COL25A1: variants seen among roughly 807,000 people sequenced by gnomAD.
COL25A1 encodes the protein collagen type XXV alpha 1 chain.
Under a neutral mutation model 128.4 loss-of-function variants are expected in COL25A1, and 103 were observed. The observed-to-expected ratio is 0.80, with a 90% CI of 0.68 to 0.94. COL25A1 has a LOEUF of 0.94. COL25A1 is among the 40% of genes least tolerant of loss of function. The pLI, the probability that COL25A1 is intolerant of heterozygous loss-of-function variation, is 0.00. For synonymous variants in COL25A1, 279 were observed against 277.2 expected (o/e 1.01, Z -0.06); for missense variants, 745 against 840.0 (o/e 0.89, Z 1.40).
chr4:108,852,688 A>G (rs1735932438), intron 25 of COL25A1, among the ~76,000 whole-genome samples: 1 of 152,202 alleles, frequency 6.6e-6, no homozygotes, highest in Non-Finnish European at 1.5e-5. Context: ...AAGGCCAGAG[A>G]CTTTTAAGAA....
At chr4:108,905,523 A>C (rs971190022) in intron 13 of COL25A1, among the ~76,000 whole-genome samples, 2 of 150,420 alleles carry the variant, frequency 1.3e-5, no homozygotes, top group Non-Finnish European at 3.0e-5. Context: ...AATAATAAAA[A>C]AATAAAAATA....
chr4:109,218,478 T>C (rs1560887704), intron 3 of COL25A1, among the ~76,000 whole-genome samples: 1 of 151,044 alleles, frequency 6.6e-6, no homozygotes, highest in Non-Finnish European at 1.5e-5. Flanking sequence ...CCAGCCTCTG[T>C]TTAGATGTGC....
At chr4:109,045,934 T>A (rs3096476) in intron 5 of COL25A1, among the ~76,000 whole-genome samples, 76,228 of 152,024 alleles carry the variant, frequency 0.5, 21,144 homozygotes, top group African/African-American at 0.73. Context: ...ATTTTATATT[T>A]TATGTGATTA....
intron 24 of COL25A1, among the ~76,000 whole-genome samples, chr4:108,857,121 A>T (rs1004706632): frequency 1.3e-5 from 2 of 152,108 alleles, no homozygotes; most frequent in African/African-American, 4.8e-5. Flanking sequence ...GCCCAATTAT[A>T]TTGGAACAGT....
intron 3 of COL25A1, among the ~76,000 whole-genome samples, chr4:109,150,383 A>T (rs1771384693): frequency 6.6e-6 from 1 of 152,108 alleles, no homozygotes; most frequent in East Asian, 1.9e-4. Context: ...TTCTGAGATG[A>T]GTGAAAACTG....
At chr4:109,114,332 CA>C (rs145115989) in intron 3 of COL25A1, among the ~76,000 whole-genome samples, 5,177 of 152,072 alleles carry the variant, frequency 0.034, 308 homozygotes, top group African/African-American at 0.12. Flanking sequence ...CAATTTAGGA[CA>C]GGGGTTTACA....
chr4:109,231,686 G>A (rs1439674109), intron 3 of COL25A1, among the ~76,000 whole-genome samples: 2 of 152,136 alleles, frequency 1.3e-5, no homozygotes, highest in African/African-American at 4.8e-5. Flanking sequence ...TTCTAAACAG[G>A]TTTATTAAGG....
At position 109,301,926 on chromosome 4, in the gene COL25A1, G is replaced by T; in HGVS notation, c.94C>A (p.Pro32Thr). Residue 32 changes from proline to threonine, a missense_variant, in exon 2 of 38, where the codon CCC (proline) becomes ACC (threonine). By Grantham distance (38) the Pro-to-Thr change is conservative (BLOSUM62 -1). Around this residue, in one of 3 missense-constraint regions of COL25A1, gnomAD observed 319 missense variants for 324.9 expected, o/e 0.98. Transcript: ENST00000399132. Reference protein sequence around the residue: ...PAEQHCARTMPPCAVLAALLS... With the variant: ...PAEQHCARTMTPCAVLAALLS... ...AGGGCCGCCAGGACGGCACACGGGG[G>T]CATGGTCCGGGCACAATGCTGTTCG... is the stretch of plus-strand genomic sequence containing the variant. 1 of 1,614,000 alleles carries T rather than the reference G, an allele frequency of 6.2e-7. No individual in the cohort carries two copies. Among genetic ancestry groups the T allele is most frequent in the Non-Finnish European group, 8.5e-7 (1 of 1,180,044 alleles).
chr4:109,199,355 G>A (rs1008697808), intron 3 of COL25A1, among the ~76,000 whole-genome samples: 15 of 151,966 alleles, frequency 9.9e-5, no homozygotes, highest in Non-Finnish European at 4.4e-5. Flanking sequence ...CATGTTGCAC[G>A]AGTTGGTTTC....
intron 24 of COL25A1, among the ~76,000 whole-genome samples, chr4:108,853,304 T>C (rs1358239490): frequency 6.6e-6 from 1 of 152,090 alleles, no homozygotes; most frequent in Non-Finnish European, 1.5e-5. Context: ...TAGAGAAAAC[T>C]GAAATACCCA....
intron 3 of COL25A1, among the ~76,000 whole-genome samples, chr4:109,113,674 C>T (rs935994472): frequency 2.6e-5 from 4 of 152,038 alleles, no homozygotes; most frequent in African/African-American, 9.7e-5. Context: ...ATGAATCACT[C>T]CAGTGATGCT....
At chr4:108,942,343 A>T (rs537641470) in intron 8 of COL25A1, 1 of 1,302,760 alleles carries the variant, frequency 7.7e-7, no homozygotes, top group South Asian at 1.3e-5. Flanking sequence ...GACAAACAAA[A>T]CAAGCACATA....
chr4:109,191,471 G>A (rs913798765), intron 3 of COL25A1, among the ~76,000 whole-genome samples: 24 of 152,098 alleles, frequency 1.6e-4, no homozygotes, highest in African/African-American at 5.6e-4. Flanking sequence ...AAAGATTGAG[G>A]GCTTAGCAGC....
intron 32 of COL25A1, among the ~76,000 whole-genome samples, chr4:108,831,855 A>G (rs574939272): frequency 6.6e-6 from 1 of 152,316 alleles, no homozygotes; most frequent in South Asian, 2.1e-4. Flanking sequence ...TTTTCATTTT[A>G]TAATGCACTG....
chr4:109,159,499 A>G (rs988178718), intron 3 of COL25A1, among the ~76,000 whole-genome samples: 4 of 152,172 alleles, frequency 2.6e-5, no homozygotes, highest in Non-Finnish European at 5.9e-5. Context: ...CTGTCCCACC[A>G]TCCTTTGCTA....
intron 8 of COL25A1, among the ~76,000 whole-genome samples, chr4:108,949,018 C>T (rs1046679313): frequency 6.6e-6 from 1 of 152,136 alleles, no homozygotes; most frequent in Non-Finnish European, 1.5e-5. Context: ...GAAAAGCCAA[C>T]AGAAGATGAG....
At chr4:108,857,737 C>T (rs1486520428) in intron 24 of COL25A1, among the ~76,000 whole-genome samples, 1 of 151,966 alleles carries the variant, frequency 6.6e-6, no homozygotes, top group Non-Finnish European at 1.5e-5. Flanking sequence ...ACAACTAATT[C>T]GGCTTACAAG....
intron 8 of COL25A1, among the ~76,000 whole-genome samples, chr4:108,945,979 C>T (rs1748695718): frequency 6.6e-6 from 1 of 152,074 alleles, no homozygotes; most frequent in Admixed American, 6.5e-5. Context: ...ATAATTTGTA[C>T]ATATTTTCAC....
intron 8 of COL25A1, among the ~76,000 whole-genome samples, chr4:108,947,951 G>A (rs1237954458): frequency 6.6e-6 from 1 of 152,114 alleles, no homozygotes; most frequent in Non-Finnish European, 1.5e-5. Flanking sequence ...AAATCTCCAA[G>A]TCTCTCTTTA....
Sources: gnomAD v4.1 joint callset for allele counts (sites outside exome capture counted in the v4.1 genomes callset) on GRCh38, gnomAD v4.1.1 for gene constraint, gnomAD v4.1.1 regional missense constraint, MANE v1.5 for transcripts, NCBI Gene and HGNC (gene_info 2026-07-23, HGNC 2026-07-21) for gene names.